The following MAB21L3 variants were observed in gnomAD, a reference collection of about 807,000 sequenced individuals.
MAB21L3 encodes the protein mab-21 like 3.
In MAB21L3, 36 loss-of-function variants were observed where a neutral mutation model predicts 37.7. The ratio of observed to expected loss-of-function variants is 0.96; its 90% CI spans 0.73 to 1.26. The LOEUF (loss-of-function observed/expected upper bound fraction) is 1.26. Among genes scored for constraint, MAB21L3 ranks in the 50% most tolerant of loss-of-function variants. The pLI is 0.00. For missense variants in MAB21L3, 430 were observed against 447.3 expected, an observed-to-expected ratio of 0.96 and a Z score of 0.35; for synonymous variants, 186 against 176.8, an observed-to-expected ratio of 1.05 and a Z score of -0.41.
At chr1:116,121,467 G>A (rs76610665) in intron 4 of MAB21L3, among the ~76,000 whole-genome samples, 3,111 of 152,238 alleles carry the variant, frequency 0.02, 106 homozygotes, top group African/African-American at 0.067. Flanking sequence ...GTCATATCAG[G>A]CACTAAAGCC....
chr1:116,120,357 A>G (rs1659705673), intron 3 of MAB21L3, among the ~76,000 whole-genome samples: 1 of 149,076 alleles, frequency 6.7e-6, no homozygotes, highest in Non-Finnish European at 1.5e-5. Context: ...CCCTTATCAT[A>G]TTTTATTTTT....
rs767829180 is a variant in MAB21L3, at chr1:116,127,588, C to G, written c.604C>G (p.Arg202Gly). Residue 202 changes from arginine (R) to glycine (G), a missense_variant, in exon 6 of 8, where the codon CGG (arginine) becomes GGG (glycine). Physicochemically the swap from Arg to Gly is moderately radical, Grantham distance 125. Transcript: ENST00000369500. ...EIPTTWSKKA[R>G]WPRCLQRWPS... ...CCCCACCACCTGGTCCAAGAAAGCC[C>G]GGTGGCCTCGATGTCTGCAGCGCTG... is the stretch of plus-strand genomic sequence containing the variant. 2 of 1,613,996 alleles carry G rather than the reference C, an allele frequency of 1.2e-6. No homozygotes were observed. Among genetic ancestry groups the G allele is most frequent in the Non-Finnish European group, 1.7e-6 (2 of 1,180,036 alleles).
At chr1:116,120,645 T>C (rs1659721325) in intron 3 of MAB21L3, among the ~76,000 whole-genome samples, 1 of 152,138 alleles carries the variant, frequency 6.6e-6, no homozygotes, top group African/African-American at 2.4e-5. Context: ...GTTGTCTTAA[T>C]CACTGTTGTG....
In MAB21L3 at chr1:116,135,902, G is replaced by A. The variant is rs1485970375; in HGVS notation, c.*2537G>A. Among the ~76,000 whole-genome samples the A allele has an allele frequency of 2.0e-5, 3 of 151,292 alleles. No individual in the cohort carries two copies. Among genetic ancestry groups the A allele is most frequent in the African/African-American group, 7.3e-5 (3 of 40,892 alleles). On this transcript the variant is annotated 3_prime_UTR_variant, in exon 8 of 8. Coordinates refer to ENST00000369500, the MANE Select transcript of MAB21L3 (RefSeq NM_152367.3). Reference sequence around the variant, plus strand: ...CCACATGATTATCTCAATAGATGCAGAAAAGGCCTTTGACAAAATTCAACA... The same window carrying A: ...CCACATGATTATCTCAATAGATGCAAAAAAGGCCTTTGACAAAATTCAACA...
intron 3 of MAB21L3, among the ~76,000 whole-genome samples, chr1:116,120,401 AT>A (rs1659707682): frequency 1.4e-4 from 12 of 87,244 alleles, no homozygotes; most frequent in African/African-American, 1.2e-3. Flanking sequence ...ATATTACATT[AT>A]ACACACACAC....
rs1423766029 is a variant in MAB21L3, at chr1:116,134,614, A to T, written c.*1249A>T. 1 of 152,262 alleles carries T rather than the reference A, an allele frequency of 6.6e-6. No homozygotes were observed. The highest frequency in any genetic ancestry group is 1.5e-5 in the Non-Finnish European group (1 of 68,048). 9.4% of individuals were successfully genotyped at this position (152,262 alleles called of 1,614,324 possible). A position where few individuals can be genotyped will look rare whatever the true frequency, so the allele number is the denominator to read the frequency against. On this transcript the variant is annotated 3_prime_UTR_variant, in exon 8 of 8. Transcript: ENST00000369500. ...GGAATCAGTATTTTATTCTAAGATCAAAGGTGTGACATTTGGCCTCTCCAG... is the reference window on the plus strand; with the variant it reads ...GGAATCAGTATTTTATTCTAAGATCTAAGGTGTGACATTTGGCCTCTCCAG...
At chr1:116,125,997 G>GCAT (rs1659899710) in intron 5 of MAB21L3, among the ~76,000 whole-genome samples, 1 of 152,230 alleles carries the variant, frequency 6.6e-6, no homozygotes, top group South Asian at 2.1e-4. Context: ...GGCGCTTTTA[G>GCAT]TAAATAATGC....
rs1407986941 is a variant in MAB21L3, at chr1:116,136,207, A to G, written c.*2842A>G. On this transcript the variant is annotated 3_prime_UTR_variant, in exon 8 of 8. Transcript: ENST00000369500. ...CAAATTGTCCCTGTTTGCAGACAAC[A>G]TGATTGTATATCTAGAAAACCCCAT... Among the ~76,000 whole-genome samples, 2 of 151,508 alleles carry G rather than the reference A, an allele frequency of 1.3e-5. No homozygotes were observed. The highest frequency in any genetic ancestry group is 2.4e-5 in the African/African-American group (1 of 41,176).
chr1:116,128,232 G>A lies in MAB21L3; in HGVS notation c.748G>A (p.Asp250Asn), dbSNP rs369008343. 2.7e-5 allele frequency: 44 copies of A among 1,614,086 alleles called. No homozygotes were observed. Among genetic ancestry groups the A allele is most frequent in the Middle Eastern group, 1.6e-4 (1 of 6,084 alleles). The change falls in exon 7 of 8, where the codon GAT (aspartate) becomes AAT (asparagine). Residue 250 changes from aspartate to asparagine, a missense_variant. Physicochemically the swap from Asp to Asn is conservative, Grantham distance 23. Coordinates refer to ENST00000369500, the MANE Select transcript of MAB21L3 (RefSeq NM_152367.3). ...TGAGCAGGTGTTACTGGAACAGCTGGATGAAGATGGGGGCTGCCGTAGGAA... is the reference window on the plus strand; with the variant it reads ...TGAGCAGGTGTTACTGGAACAGCTGAATGAAGATGGGGGCTGCCGTAGGAA... Reference protein sequence around the residue: ...RAEQVLLEQLDEDGGCRRKCF... With the variant: ...RAEQVLLEQLNEDGGCRRKCF...
chr1:116,128,354 G>A lies in MAB21L3; in HGVS notation c.855+15G>A. 6.3e-7 allele frequency: 1 copy of A among 1,597,872 alleles called. No homozygotes were observed. Among genetic ancestry groups the A allele is most frequent in the South Asian group, 1.1e-5 (1 of 88,832 alleles). On this transcript the variant is annotated intron_variant, in intron 7 of 7. Transcript: ENST00000369500. ...ACCATCTGCAGGTGAGTGTGGGGCA[G>A]GTTGGAGAAGACCCAGGGGCAGCTT...
intron 3 of MAB21L3, among the ~76,000 whole-genome samples, chr1:116,117,199 T>G (rs1570802505): frequency 6.8e-5 from 7 of 102,432 alleles, no homozygotes; most frequent in Non-Finnish European, 1.9e-5. Flanking sequence ...ATATGTATAG[T>G]CACTGCTATG....
intron 7 of MAB21L3, among the ~76,000 whole-genome samples, chr1:116,131,537 C>T (rs146599071): frequency 0.021 from 3,259 of 152,018 alleles, 105 homozygotes; most frequent in African/African-American, 0.075. Flanking sequence ...GTTTTTGAGA[C>T]GGAGTCTCGC....
chr1:116,114,169 C>G (rs1659505858), intron 3 of MAB21L3, among the ~76,000 whole-genome samples: 1 of 152,212 alleles, frequency 6.6e-6, no homozygotes. Context: ...ACTCCTGACA[C>G]TTTTCTATTA....
chr1:116,124,870 T>A (rs368843496), intron 5 of MAB21L3, among the ~76,000 whole-genome samples: 24 of 140,382 alleles, frequency 1.7e-4, no homozygotes, highest in African/African-American at 7.3e-4. Context: ...AGCATATGCA[T>A]ACACACACAC....
At chr1:116,132,779 C>A (rs1292297795) in intron 7 of MAB21L3, among the ~76,000 whole-genome samples, 1 of 152,080 alleles carries the variant, frequency 6.6e-6, no homozygotes, top group Non-Finnish European at 1.5e-5. Flanking sequence ...GCAGAAGAGG[C>A]AGAAGCAGGG....
Position 116,134,163 on chromosome 1 carries a change from G to A in MAB21L3, c.*798G>A, listed in dbSNP as rs1483551270. 1 of 152,330 alleles carries A rather than the reference G, an allele frequency of 6.6e-6. No homozygotes were observed. The highest frequency in any genetic ancestry group is 2.4e-5 in the African/African-American group (1 of 41,446). The allele number at this position is 152,330 out of a possible 1,614,324, so 9.4% of individuals were successfully genotyped here. Reference sequence around the variant, plus strand: ...GCCCTCTCTTTGCTTCCCATGCCATGGGCCATGGATGGAACTTCCTTATAT... The same window carrying A: ...GCCCTCTCTTTGCTTCCCATGCCATAGGCCATGGATGGAACTTCCTTATAT... On this transcript the variant is annotated 3_prime_UTR_variant, in exon 8 of 8. Transcript: ENST00000369500.
At chr1:116,131,243 G>A (rs981550950) in intron 7 of MAB21L3, among the ~76,000 whole-genome samples, 17 of 152,200 alleles carry the variant, frequency 1.1e-4, no homozygotes, top group Non-Finnish European at 2.4e-4. Context: ...GACTAAGAGA[G>A]TGTGCAATGG....
intron 5 of MAB21L3, among the ~76,000 whole-genome samples, chr1:116,126,099 T>A (rs1659901907): frequency 6.6e-6 from 1 of 152,208 alleles, no homozygotes; most frequent in South Asian, 2.1e-4. Flanking sequence ...TGTTTCCCTT[T>A]TGAACAGCCT....
intron 3 of MAB21L3, among the ~76,000 whole-genome samples, chr1:116,117,363 A>C (rs1752371): frequency 0.053 from 8,019 of 151,764 alleles, 587 homozygotes; most frequent in African/African-American, 0.16. Context: ...TAACACTTTT[A>C]TTACTTTTCT....
Sources: allele counts gnomAD v4.1 joint callset (sites outside exome capture counted in the v4.1 genomes callset), GRCh38; gene constraint gnomAD v4.1.1; transcripts MANE v1.5; gene names NCBI Gene and HGNC (gene_info 2026-07-23, HGNC 2026-07-21).